HCRTR1: variants seen among roughly 807,000 people sequenced by gnomAD.
HCRTR1 encodes hypocretin receptor 1, also known as orexin/Hypocretin receptor type 1.
Under a neutral mutation model 40.6 loss-of-function variants are expected in HCRTR1, and 28 were observed. That is an observed-to-expected ratio of 0.69 (90% confidence interval 0.51 to 0.95). HCRTR1 has a LOEUF of 0.95. Ranked by LOEUF, HCRTR1 falls within the 40% of genes least tolerant of loss-of-function variation. The pLI is 0.00. For missense variants in HCRTR1, 482 were observed against 564.7 expected (o/e 0.85, Z 1.48); for synonymous variants, 209 against 230.0 (o/e 0.91, Z 0.83).
chr1:31,627,712 A>G, downstream of HCRTR1: 1 of 272,926 alleles, frequency 3.7e-6, no homozygotes, highest in South Asian at 3.6e-5. Flanking sequence ...AAGGCACTAG[A>G]ATGCTCTTAT....
At chr1:31,621,726 G>A in intron 6 of HCRTR1, 134 bp downstream of exon 6, 2 of 673,862 alleles carry the variant, frequency 3.0e-6, no homozygotes, top group South Asian at 3.6e-5. Flanking sequence ...GAGAGGGGAA[G>A]CCCAGAGACA....
downstream of HCRTR1, chr1:31,632,301 C>T: frequency 1.0e-6 from 1 of 955,688 alleles, no homozygotes; most frequent in Non-Finnish European, 1.7e-6. Context: ...CAGGTGTTTC[C>T]TTGCCCTGGC....
downstream of HCRTR1, chr1:31,630,808 C>T (rs1029317443): frequency 5.6e-6 from 9 of 1,612,478 alleles, no homozygotes; most frequent in Non-Finnish European, 6.8e-6. Flanking sequence ...GCTGGGTGAA[C>T]TGGGGGCTCA....
In HCRTR1 at chr1:31,627,125, T is replaced by C. The variant is rs1015815065; in HGVS notation, c.*145T>C. The C allele has an allele frequency of 7.7e-6, 11 of 1,430,846 alleles. No individual in the cohort carries two copies. The African/African-American group carries it at 1.6e-4, about 20-fold the overall frequency. 88.6% of individuals were successfully genotyped at this position (1,430,846 alleles called of 1,614,324 possible). A position where few individuals can be genotyped will look rare whatever the true frequency, so the allele number is the denominator to read the frequency against. ...ATAAGTCACTTCCTCTGTCTGAGCT[T>C]GTGTCCCCTAAGCAGGGTTGATGTG... On this transcript the variant is annotated 3_prime_UTR_variant, in exon 9 of 9. Transcript: ENST00000403528.
downstream of HCRTR1, chr1:31,632,519 T>C (rs144874149): frequency 6.0e-4 from 967 of 1,614,140 alleles, no homozygotes; most frequent in Non-Finnish European, 7.4e-4. Context: ...GTGTAGCTAA[T>C]GGAGCCCGAG....
At chr1:31,632,653 G>C (rs1640142435), downstream of HCRTR1, 1 of 1,611,892 alleles carries the variant, frequency 6.2e-7, no homozygotes. Flanking sequence ...AGGTGAGGAG[G>C]GAAAGGAGGG....
chr1:31,618,903 A>C, intron 2 of HCRTR1, 87 bp downstream of exon 2: 3 of 434,148 alleles, frequency 6.9e-6, no homozygotes, highest in Non-Finnish European at 8.4e-6. Flanking sequence ...CTGGTGTGGA[A>C]TTGGGATGCA....
chr1:31,618,894 T>C (rs1250764464), intron 2 of HCRTR1, 78 bp downstream of exon 2: 5 of 420,352 alleles, frequency 1.2e-5, no homozygotes, highest in Non-Finnish European at 2.2e-5. Context: ...CCAAGGCAAC[T>C]GGTGTGGAAT....
Position 31,627,316 on chromosome 1 carries a change from A to C in HCRTR1, c.*336A>C. On this transcript the variant is annotated 3_prime_UTR_variant, in exon 9 of 9. Coordinates refer to ENST00000403528, the MANE Select transcript of HCRTR1 (RefSeq NM_001525.3). ...CTCCTAAAGACCCCTTTCCTACCCA[A>C]TTACAGGCCTTCCCTGGAGTCTGCT... The C allele has an allele frequency of 2.5e-6, 3 of 1,179,096 alleles. No individual in the cohort carries two copies. The highest frequency in any genetic ancestry group is 4.7e-5 in the East Asian group (1 of 21,422). 73.0% of individuals were successfully genotyped at this position (1,179,096 alleles called of 1,614,324 possible).
downstream of HCRTR1, chr1:31,630,312 C>T (rs1019984650): frequency 7.2e-6 from 3 of 416,208 alleles, no homozygotes; most frequent in Non-Finnish European, 1.4e-5. Context: ...TGGACACTAA[C>T]TCCATTACAA....
At chr1:31,633,643 G>A (rs555883558), downstream of HCRTR1, among the ~76,000 whole-genome samples, 8 of 152,304 alleles carry the variant, frequency 5.3e-5, no homozygotes, top group South Asian at 1.5e-3. Context: ...TGCGAGATGG[G>A]GGAATGGGTG....
downstream of HCRTR1, among the ~76,000 whole-genome samples, chr1:31,633,722 G>A (rs546738539): frequency 1.1e-4 from 16 of 152,248 alleles, no homozygotes; most frequent in South Asian, 4.1e-4. Context: ...TTGGGAAGCC[G>A]AGGCAGGCGG....
At chr1:31,632,118 G>A (rs1448862183), downstream of HCRTR1, among the ~76,000 whole-genome samples, 1 of 152,232 alleles carries the variant, frequency 6.6e-6, no homozygotes, top group Non-Finnish European at 1.5e-5. Context: ...ATCTTTCTGA[G>A]CCCTGTTCAG....
downstream of HCRTR1, among the ~76,000 whole-genome samples, chr1:31,634,078 G>A (rs956199258): frequency 2.0e-5 from 3 of 152,216 alleles, no homozygotes; most frequent in Non-Finnish European, 4.4e-5. Context: ...GCCATGGGCA[G>A]TTGTGGAGGA....
chr1:31,619,043 C>A lies in HCRTR1; in HGVS notation c.-142-8C>A, dbSNP rs1639790264. ...TTTCCCACTCCCTCCTTTCCTTCCT[C>A]CCTTCAGGAAGTTTGAGGCTGAGAC... On this transcript the variant is annotated splice_polypyrimidine_tract_variant and splice_region_variant and intron_variant, in intron 2 of 8. Transcript: ENST00000403528. The A allele has an allele frequency of 1.6e-6, 1 of 615,750 alleles. No individual in the cohort carries two copies. The highest frequency in any genetic ancestry group is 2.7e-5 in the East Asian group (1 of 36,400). 38.1% of individuals were successfully genotyped at this position (615,750 alleles called of 1,614,324 possible). A position where few individuals can be genotyped will look rare whatever the true frequency, so the allele number is the denominator to read the frequency against.
At chr1:31,623,104 G>A (rs1338916809) in intron 6 of HCRTR1, among the ~76,000 whole-genome samples, 3 of 152,002 alleles carry the variant, frequency 2.0e-5, no homozygotes, top group African/African-American at 4.8e-5. Context: ...TGAGGCAGGC[G>A]GATCACCTAA....
Position 31,625,072 on chromosome 1 carries a change from G to A in HCRTR1, c.1041G>A (p.Val347=), listed in dbSNP as rs1557579704. 1.9e-6 allele frequency: 3 copies of A among 1,612,758 alleles called. No individual in the cohort carries two copies. The highest frequency in any genetic ancestry group is 2.7e-5 in the African/African-American group (2 of 74,926). Residue 347 remains valine (V), a synonymous_variant, in exon 8 of 9, where the codon GTG becomes GTA. Transcript: ENST00000403528. This position sits in a 1 kb window ranked among gnomAD's most constrained non-coding sequence, Gnocchi z 4.2. ...YACFTFSHWL[V]YANSAANPII... Reference sequence around the variant, plus strand: ...GCTTCACCTTCTCCCACTGGCTGGTGTACGCCAACAGCGCTGCCAACCCCA... The same window carrying A: ...GCTTCACCTTCTCCCACTGGCTGGTATACGCCAACAGCGCTGCCAACCCCA...
chr1:31,622,838 C>T (rs1403097174), intron 6 of HCRTR1, among the ~76,000 whole-genome samples: 4 of 152,158 alleles, frequency 2.6e-5, no homozygotes, highest in Non-Finnish European at 5.9e-5. Flanking sequence ...AGGGGAGGCA[C>T]AACTCACCCC....
At chr1:31,629,055 T>C (rs1454456636), downstream of HCRTR1, among the ~76,000 whole-genome samples, 2 of 152,230 alleles carry the variant, frequency 1.3e-5, no homozygotes, top group African/African-American at 2.4e-5. Flanking sequence ...ACTGAGTTCT[T>C]TGCCTTTGGC....
Sources: allele counts gnomAD v4.1 joint callset (sites outside exome capture counted in the v4.1 genomes callset), GRCh38; gene constraint gnomAD v4.1.1; non-coding constraint Gnocchi (gnomAD v3.1); transcripts MANE v1.5; gene names NCBI Gene and HGNC (gene_info 2026-07-23, HGNC 2026-07-21).